EVC2: variants seen among roughly 807,000 people sequenced by gnomAD.
EVC2 encodes EvC ciliary complex subunit 2, also known as limbin.
Under a neutral mutation model 149.3 loss-of-function variants are expected in EVC2, and 148 were observed. The observed-to-expected ratio is 0.99, with a 90% CI of 0.87 to 1.14. The LOEUF (loss-of-function observed/expected upper bound fraction) is 1.14. Ranked by LOEUF, EVC2 falls within the 50% of genes most tolerant of loss-of-function variation. The probability of loss-of-function intolerance (pLI) is 0.00; values close to 1 mark genes in which losing one functional copy is unlikely to be tolerated. For missense variants in EVC2, 1,854 were observed against 1,627.3 expected (o/e 1.14, Z -2.40); for synonymous variants, 776 against 649.9 (o/e 1.19, Z -2.95).
chr4:5,533,581 G>A, the EVC2 span, among the ~76,000 whole-genome samples: 1 of 152,210 alleles, frequency 6.6e-6, no homozygotes, highest in African/African-American at 2.4e-5. Context: ...GAGAGATTAA[G>A]ATGCTTGTCT....
intron 5 of EVC2, among the ~76,000 whole-genome samples, chr4:5,688,781 T>A (rs543102089): frequency 9.2e-5 from 14 of 152,336 alleles, no homozygotes; most frequent in African/African-American, 3.4e-4. Context: ...AAACTCTTCA[T>A]CTTCCTGAGT....
chr4:5,650,244 C>CT (rs1211957688), intron 9 of EVC2, among the ~76,000 whole-genome samples: 14 of 152,072 alleles, frequency 9.2e-5, no homozygotes, highest in Non-Finnish European at 1.6e-4. Flanking sequence ...ACTGGCCAGA[C>CT]TATGACAGAA....
chr4:5,567,508 C>G lies in EVC2; in HGVS notation c.3557+936G>C, dbSNP rs953981167. Reference sequence around the variant, plus strand: ...TTGCTGAGGCTGTGAGCTCTGCATCCTGGTGCAATGTTTTCATCCTGGCCA... The same window carrying G: ...TTGCTGAGGCTGTGAGCTCTGCATCGTGGTGCAATGTTTTCATCCTGGCCA... On this transcript the variant is annotated intron_variant, in intron 20 of 21. Transcript: ENST00000344408. This position sits in a 1 kb window ranked among gnomAD's most constrained non-coding sequence, Gnocchi z 4.4. Among the ~76,000 whole-genome samples, 2 of 152,156 alleles carry G rather than the reference C, an allele frequency of 1.3e-5. No individual in the cohort carries two copies.
chr4:5,660,958 A>C (rs1268955620), intron 9 of EVC2, among the ~76,000 whole-genome samples: 1 of 152,208 alleles, frequency 6.6e-6, no homozygotes, highest in Non-Finnish European at 1.5e-5. Context: ...GTACCAAATT[A>C]AATAAGGGGC....
chr4:5,572,244 T>C (rs1237034101), intron 19 of EVC2, among the ~76,000 whole-genome samples: 1 of 152,188 alleles, frequency 6.6e-6, no homozygotes, highest in Non-Finnish European at 1.5e-5. Context: ...GAGCTTCCGG[T>C]CTGGCAGTAT....
intron 21 of EVC2, among the ~76,000 whole-genome samples, chr4:5,551,190 T>C (rs1721730332): frequency 2.0e-5 from 3 of 152,098 alleles, no homozygotes; most frequent in African/African-American, 7.2e-5. Flanking sequence ...CCCAGAATGG[T>C]AGATCCACTG....
At chr4:5,671,511 A>AT (rs1181142576) in intron 7 of EVC2, among the ~76,000 whole-genome samples, 1 of 152,060 alleles carries the variant, frequency 6.6e-6, no homozygotes. Context: ...ACAATACTTT[A>AT]TTTATTTATT....
chr4:5,593,217 T>C (rs1172197676), intron 16 of EVC2, among the ~76,000 whole-genome samples: 4 of 152,326 alleles, frequency 2.6e-5, no homozygotes, highest in South Asian at 4.1e-4. Context: ...AATGGACTAA[T>C]ACAGGATGCA....
intron 16 of EVC2, among the ~76,000 whole-genome samples, chr4:5,597,096 T>A (rs1363782843): frequency 6.6e-6 from 1 of 151,458 alleles, no homozygotes; most frequent in Non-Finnish European, 1.5e-5. Context: ...CCAAAAAGAG[T>A]CCAGGACCAG....
downstream of EVC2, among the ~76,000 whole-genome samples, chr4:5,559,757 T>C (rs1343467011): frequency 1.3e-5 from 2 of 152,112 alleles, no homozygotes; most frequent in East Asian, 1.9e-4. This position sits in a 1 kb window ranked among gnomAD's most constrained non-coding sequence, Gnocchi z 5.0. Context: ...AAGTATAAAA[T>C]AAATATCCAT....
At chr4:5,582,299 G>C (rs1458076832) in intron 17 of EVC2, among the ~76,000 whole-genome samples, 1 of 152,176 alleles carries the variant, frequency 6.6e-6, no homozygotes, top group East Asian at 1.9e-4. Context: ...AAGTCACAGG[G>C]GCTGAGCTGC....
In EVC2 at chr4:5,613,101, A is replaced by G. The variant is rs73198121; in HGVS notation, c.2829+2321T>C. Among the ~76,000 whole-genome samples the G allele has an allele frequency of 0.11, 16,120 of 151,848 alleles. 1,607 individuals are homozygous for G. The highest frequency in any genetic ancestry group is 0.26 in the African/African-American group (10,840 of 41,340). ...GTTACCATCTCTGCATCACCTTCTC[A>G]CTCAGACATTCATCCTGTGACTCTG... On this transcript the variant is annotated intron_variant, in intron 16 of 21. Transcript: ENST00000344408. This position sits in a 1 kb window ranked among gnomAD's most constrained non-coding sequence, Gnocchi z 4.6.
rs777490147 is a variant in EVC2 at position 5,625,729 on chromosome 4, T to G, written c.2046+20A>C. On this transcript the variant is annotated intron_variant, in intron 13 of 21. Coordinates refer to ENST00000344408, the MANE Select transcript of EVC2 (RefSeq NM_147127.5). This position sits in a 1 kb window ranked among gnomAD's most constrained non-coding sequence, Gnocchi z 4.0. ...AGAAAGTGCCTATGCAAAGAATAAA[T>G]AGCATCATGCCTTATATACCTTTTG... 13 of 1,613,958 alleles carry G rather than the reference T, an allele frequency of 8.1e-6. No homozygotes were observed. Among genetic ancestry groups the G allele is most frequent in the Non-Finnish European group, 1.1e-5 (13 of 1,180,032 alleles).
intron 9 of EVC2, among the ~76,000 whole-genome samples, chr4:5,656,291 C>G (rs1718515159): frequency 6.6e-6 from 1 of 152,142 alleles, no homozygotes. Context: ...AAACCATTCT[C>G]TGACACACCC....
At chr4:5,600,247 G>C (rs1713864962) in intron 16 of EVC2, among the ~76,000 whole-genome samples, 1 of 152,162 alleles carries the variant, frequency 6.6e-6, no homozygotes, top group African/African-American at 2.4e-5. Flanking sequence ...CTACTGAACA[G>C]TAGCTGTCAT....
rs745815880 is a variant in EVC2, at chr4:5,622,782, C to A, written c.2256G>T (p.Arg752=). 9 of 1,614,084 alleles carry A rather than the reference C, an allele frequency of 5.6e-6. No homozygotes were observed. The South Asian group carries it at 7.7e-5, about 14-fold the overall frequency. Residue 752 remains arginine (R), a synonymous_variant, in exon 14 of 22, where the codon CGG becomes CGT. Transcript: ENST00000344408. The surrounding 1 kb of genome is among the most constrained non-coding windows in gnomAD (Gnocchi z 5.8). ...GGGTCATGGCTGAGTTCTGCAGGCG[C>A]CGCAGCTCGTCGGTGGCCTTTTCAA... The part of the protein sequence containing the change: ...SLFEKATDEL[R]RLQNSAMTQE...
Position 5,694,352 on chromosome 4 carries a change from G to C in EVC2, c.433C>G (p.Pro145Ala), listed in dbSNP as rs1003376249. 3.1e-6 allele frequency: 5 copies of C among 1,613,942 alleles called. No homozygotes were observed. Among genetic ancestry groups the C allele is most frequent in the Non-Finnish European group, 4.2e-6 (5 of 1,179,986 alleles). ...ATACTTACCAGGCGGTGTGTTATAG[G>C]AGACTCTCTTTTAAATAAGTTCTTC... ...PKKNLFKRESPITHRLYGDIS... is the reference protein window; with the variant it reads ...PKKNLFKRESAITHRLYGDIS... The change falls in exon 3 of 22, where the codon CCT (proline) becomes GCT (alanine). Residue 145 changes from proline to alanine, a missense_variant. By Grantham distance (27) the Pro-to-Ala change is conservative. Transcript: ENST00000344408.
At chr4:5,600,393 C>G (rs914466232) in intron 16 of EVC2, among the ~76,000 whole-genome samples, 3 of 152,086 alleles carry the variant, frequency 2.0e-5, no homozygotes, top group Non-Finnish European at 4.4e-5. Context: ...CCATATTGAG[C>G]GTTTCCCCCT....
chr4:5,683,243 T>C, intron 6 of EVC2, among the ~76,000 whole-genome samples: 1 of 152,228 alleles, frequency 6.6e-6, no homozygotes, highest in Non-Finnish European at 1.5e-5. Flanking sequence ...TTGGAATACG[T>C]ACGGTGCCTT....
Sources: allele counts gnomAD v4.1 joint callset (sites outside exome capture counted in the v4.1 genomes callset), GRCh38; gene constraint gnomAD v4.1.1; non-coding constraint Gnocchi (gnomAD v3.1); transcripts MANE v1.5; gene names NCBI Gene and HGNC (gene_info 2026-07-23, HGNC 2026-07-21).